The following ATP8A2 variants were observed in gnomAD, a reference collection of about 807,000 sequenced individuals.
The protein encoded by ATP8A2 is phospholipid-transporting ATPase IB.
In ATP8A2, 100 loss-of-function variants were observed where a neutral mutation model predicts 165.6. That is an observed-to-expected ratio of 0.60 (90% CI 0.51 to 0.71). The LOEUF (loss-of-function observed/expected upper bound fraction) is 0.71. Ranked by LOEUF, ATP8A2 falls within the 30% of genes least tolerant of loss-of-function variation. The pLI is 0.00. For synonymous variants in ATP8A2, 543 were observed against 548.8 expected (o/e 0.99, Z 0.15); for missense variants, 1,227 against 1,479.5 (o/e 0.83, Z 2.80).
chr13:25,860,884 C>A lies in ATP8A2; in HGVS notation c.3075+24C>A, dbSNP rs370175057. ...AAGTAAGTTTTCTCTAGAATTGTTT[C>A]TCTGTTCAGTATAGATATTTTTCAT... On this transcript the variant is annotated intron_variant, in intron 32 of 36. Coordinates refer to ENST00000381655, the MANE Select transcript of ATP8A2 (RefSeq NM_016529.6). 19 of 1,518,200 alleles carry A rather than the reference C, an allele frequency of 1.3e-5. No individual in the cohort carries two copies. The African/African-American group carries it at 1.6e-4, about 13-fold the overall frequency. The allele number at this position is 1,518,200 out of a possible 1,614,324, so 94.0% of individuals were successfully genotyped here.
At chr13:25,606,580 A>AT (rs912989487) in intron 24 of ATP8A2, among the ~76,000 whole-genome samples, 21 of 152,286 alleles carry the variant, frequency 1.4e-4, no homozygotes, top group African/African-American at 5.1e-4. Context: ...ACTGGAAAGT[A>AT]TTTTTGTCCA....
At chr13:25,515,253 G>A (rs1255081602) in intron 2 of ATP8A2, among the ~76,000 whole-genome samples, 1 of 152,190 alleles carries the variant, frequency 6.6e-6, no homozygotes, top group South Asian at 2.1e-4. Flanking sequence ...CATTCCCACT[G>A]CTGGTGTTGG....
rs1164099320 is a variant in ATP8A2 at position 25,542,168 on chromosome 13, T to C, written c.779+122T>C. The C allele has an allele frequency of 4.7e-6, 5 of 1,060,620 alleles. No homozygotes were observed. In the African/African-American group the frequency reaches 6.4e-5, roughly 14 times the overall value. 65.7% of individuals were successfully genotyped at this position (1,060,620 alleles called of 1,614,324 possible). On this transcript the variant is annotated intron_variant, in intron 9 of 36. Coordinates refer to ENST00000381655, the MANE Select transcript of ATP8A2 (RefSeq NM_016529.6). ...TAAAACAGTGAGATTTCATACCCTT[T>C]CAATTAATTTAAAGCCTTCCTTAGA...
chr13:25,975,280 AGTT>A (rs1363219831), intron 35 of ATP8A2, among the ~76,000 whole-genome samples: 1 of 152,148 alleles, frequency 6.6e-6, no homozygotes, highest in African/African-American at 2.4e-5. Context: ...TCATTTTAAA[AGTT>A]TTATTTTCGA....
intron 10 of ATP8A2, 107 bp from the exon 11 acceptor site, chr13:25,551,231 T>C: frequency 9.3e-7 from 1 of 1,076,120 alleles, no homozygotes; most frequent in Non-Finnish European, 1.4e-6. Context: ...AAAAAAATAG[T>C]CTTTTACTTG....
chr13:25,561,136 C>T (rs1393756158), intron 15 of ATP8A2, among the ~76,000 whole-genome samples: 7 of 152,090 alleles, frequency 4.6e-5, no homozygotes, highest in African/African-American at 1.4e-4. Context: ...CTGCCTGTCT[C>T]GGCCTCCCAA....
At chr13:25,790,276 A>G (rs2045133267) in intron 27 of ATP8A2, among the ~76,000 whole-genome samples, 1 of 152,236 alleles carries the variant, frequency 6.6e-6, no homozygotes, top group Non-Finnish European at 1.5e-5. Flanking sequence ...CTATCTACAG[A>G]GTAAATAGAC....
intron 33 of ATP8A2, among the ~76,000 whole-genome samples, chr13:25,892,002 T>TTTTTTTTTG: frequency 6.6e-6 from 1 of 151,850 alleles, no homozygotes; most frequent in African/African-American, 2.4e-5. Context: ...TTTTTTTTTT[T>TTTTTTTTTG]TGGAGATGGA....
rs182147258 is a variant in ATP8A2, at chr13:25,946,022, G to A, written c.3184-15553G>A. Reference sequence around the variant, plus strand: ...TGAAATGGATCATGTGAGAGTGGGAGCACAGCTGACCAGGCTAGGCAGGAC... The same window carrying A: ...TGAAATGGATCATGTGAGAGTGGGAACACAGCTGACCAGGCTAGGCAGGAC... On this transcript the variant is annotated intron_variant, in intron 33 of 36. Coordinates refer to ENST00000381655, the MANE Select transcript of ATP8A2 (RefSeq NM_016529.6). Among the ~76,000 whole-genome samples, 12 of 152,250 alleles carry A rather than the reference G, an allele frequency of 7.9e-5. No individual in the cohort carries two copies. In the East Asian group the frequency reaches 1.9e-3, roughly 25 times the overall value.
chr13:25,580,510 A>G (rs1028202181), intron 22 of ATP8A2, among the ~76,000 whole-genome samples: 7 of 151,834 alleles, frequency 4.6e-5, no homozygotes, highest in African/African-American at 1.7e-4. Context: ...GGGCCATCCA[A>G]TTTCCAGTTT....
intron 24 of ATP8A2, among the ~76,000 whole-genome samples, chr13:25,600,234 A>C (rs1229529853): frequency 3.9e-5 from 6 of 152,220 alleles, no homozygotes; most frequent in Non-Finnish European, 5.9e-5. Context: ...TGTCAAGGGA[A>C]TTGCGAGCAG....
At chr13:25,966,207 C>A (rs191877542) in intron 34 of ATP8A2, among the ~76,000 whole-genome samples, 3 of 152,108 alleles carry the variant, frequency 2.0e-5, no homozygotes, top group African/African-American at 7.2e-5. Flanking sequence ...TCCAGCCTCT[C>A]GATGTGGGGT....
rs2039086027 is a variant in ATP8A2 at position 25,559,744 on chromosome 13, A to C, written c.1376A>C (p.Glu459Ala). 6.2e-7 allele frequency: 1 copy of C among 1,613,484 alleles called. No individual in the cohort carries two copies. Among genetic ancestry groups the C allele is most frequent in the Admixed American group, 1.7e-5 (1 of 60,012 alleles). The change falls in exon 15 of 37, where the codon GAG becomes GCG. Residue 459 changes from glutamate to alanine, a missense_variant. Glu to Ala is a moderately radical substitution (Grantham distance 107, BLOSUM62 -1). This residue lies in a region of ATP8A2 where 592 missense variants were observed against 785.6 expected (regional missense o/e 0.75). Coordinates refer to ENST00000381655, the MANE Select transcript of ATP8A2 (RefSeq NM_016529.6). ...AGTCACTTCCCAGAATTGGCAAGAG[A>C]GCCGTCTTCAGATGACTTCTGGTAA... Reference protein sequence around the residue: ...TYGHFPELAREPSSDDFCRMP... With the variant: ...TYGHFPELARAPSSDDFCRMP...
At position 25,645,480 on chromosome 13, in the gene ATP8A2, C is replaced by T. The variant is rs1030610536; in HGVS notation, c.2212-53693C>T. ...GTGAGCTTAGTTTGTTCTTCTTTTT[C>T]TGTTTCCTTGAGGCATAATATTAAG... On this transcript the variant is annotated intron_variant, in intron 24 of 36. Coordinates refer to ENST00000381655, the MANE Select transcript of ATP8A2 (RefSeq NM_016529.6). Among the ~76,000 whole-genome samples, 8 of 152,226 alleles carry T rather than the reference C, an allele frequency of 5.3e-5. 1 individual carries two copies. The highest frequency in any genetic ancestry group is 2.1e-4 in the South Asian group (1 of 4,824).
chr13:26,003,198 CTTT>C (rs539506943), intron 35 of ATP8A2, among the ~76,000 whole-genome samples: 1 of 139,772 alleles, frequency 7.2e-6, no homozygotes, highest in African/African-American at 2.6e-5. Context: ...TGTTAGCTTT[CTTT>C]TTTTTTTTTT....
chr13:25,817,353 G>GT (rs1491388990), intron 27 of ATP8A2, among the ~76,000 whole-genome samples: 1 of 74,492 alleles, frequency 1.3e-5, no homozygotes, highest in Non-Finnish European at 3.4e-5. Context: ...TCTTTTATGG[G>GT]GGGGGGGGGA....
intron 24 of ATP8A2, among the ~76,000 whole-genome samples, chr13:25,590,845 C>T (rs903219187): frequency 6.6e-5 from 10 of 152,138 alleles, no homozygotes; most frequent in African/African-American, 2.2e-4. Flanking sequence ...CTTCATGAGA[C>T]CAAGGGCAGG....
intron 1 of ATP8A2, among the ~76,000 whole-genome samples, chr13:25,426,206 C>G (rs180890341): frequency 6.0e-4 from 92 of 152,292 alleles, no homozygotes; most frequent in African/African-American, 2.0e-3. Context: ...GCACACAGTA[C>G]TAGAAGCATG....
intron 7 of ATP8A2, among the ~76,000 whole-genome samples, chr13:25,538,497 C>T (rs189095760): frequency 4.6e-5 from 7 of 152,296 alleles, no homozygotes; most frequent in Non-Finnish European, 8.8e-5. Flanking sequence ...TCAGCGTAAT[C>T]GTGACCAGCA....
Sources: allele counts gnomAD v4.1 joint callset (sites outside exome capture counted in the v4.1 genomes callset), GRCh38; gene constraint gnomAD v4.1.1; regional missense constraint gnomAD v4.1.1; transcripts MANE v1.5; gene names NCBI Gene and HGNC (gene_info 2026-07-23, HGNC 2026-07-21).